BCKDHB: variants seen among roughly 807,000 people sequenced by gnomAD.
The protein encoded by BCKDHB is branched chain keto acid dehydrogenase E1 subunit beta, also known as 2-oxoisovalerate dehydrogenase subunit beta, mitochondrial.
Under a neutral mutation model 48.5 loss-of-function variants are expected in BCKDHB, and 41 were observed. That is an observed-to-expected ratio of 0.85 (90% CI 0.66 to 1.10). The LOEUF (loss-of-function observed/expected upper bound fraction) is 1.10, where lower values mean the gene tolerates loss of function less well. Among genes scored for constraint, BCKDHB ranks in the 50% least tolerant of loss-of-function variants. BCKDHB has a pLI of 0.00. For synonymous variants in BCKDHB, 201 were observed against 174.8 expected (o/e 1.15, Z -1.18); for missense variants, 496 against 494.2 (o/e 1.00, Z -0.03).
chr6:80,109,342 A>T (rs1769297420), intron 1 of BCKDHB, among the ~76,000 whole-genome samples: 2 of 152,196 alleles, frequency 1.3e-5, no homozygotes, highest in South Asian at 4.1e-4. Flanking sequence ...ACCTTTAAAT[A>T]ATTACCATTA....
chr6:80,221,750 C>A (rs1216647497), intron 8 of BCKDHB, among the ~76,000 whole-genome samples: 1 of 152,108 alleles, frequency 6.6e-6, no homozygotes, highest in East Asian at 1.9e-4. Context: ...TTGAAAGTAT[C>A]AACTTCATTG....
chr6:80,321,626 C>T (rs1300526176), intron 9 of BCKDHB, among the ~76,000 whole-genome samples: 1 of 152,144 alleles, frequency 6.6e-6, no homozygotes, highest in East Asian at 1.9e-4. Context: ...TCCACTGAAA[C>T]TTCCAGAGAC....
intron 6 of BCKDHB, among the ~76,000 whole-genome samples, chr6:80,187,074 G>T (rs1191691579): frequency 1.3e-5 from 2 of 152,164 alleles, no homozygotes; most frequent in Non-Finnish European, 2.9e-5. Context: ...AAAGTTTACA[G>T]TGTGAGTCTC....
intron 3 of BCKDHB, among the ~76,000 whole-genome samples, chr6:80,164,261 C>T (rs552577561): frequency 1.3e-5 from 2 of 151,650 alleles, no homozygotes; most frequent in Non-Finnish European, 2.9e-5. Context: ...TTACTCTAGA[C>T]CAGGCAATCT....
intron 6 of BCKDHB, among the ~76,000 whole-genome samples, chr6:80,187,399 G>C (rs150089894): frequency 6.6e-6 from 1 of 151,818 alleles, no homozygotes; most frequent in African/African-American, 2.4e-5. Context: ...TAGAATGTTG[G>C]GGGCATGAGA....
chr6:80,175,729 C>G (rs1773120292), intron 6 of BCKDHB, among the ~76,000 whole-genome samples: 1 of 152,120 alleles, frequency 6.6e-6, no homozygotes, highest in African/African-American at 2.4e-5. Flanking sequence ...AGACAGATCT[C>G]TTTATATTGT....
intron 3 of BCKDHB, among the ~76,000 whole-genome samples, chr6:80,145,339 A>G (rs1226801467): frequency 1.7e-4 from 26 of 152,310 alleles, no homozygotes. Context: ...TTGATGGTGC[A>G]GTAACAACAT....
chr6:80,259,378 A>T (rs1200877636), intron 8 of BCKDHB, among the ~76,000 whole-genome samples: 1 of 152,208 alleles, frequency 6.6e-6, no homozygotes. Context: ...CTTTGGCATC[A>T]TAAAGTAGTA....
At chr6:80,158,377 G>T (rs1582254721) in intron 3 of BCKDHB, among the ~76,000 whole-genome samples, 1 of 152,292 alleles carries the variant, frequency 6.6e-6, no homozygotes, top group Non-Finnish European at 1.5e-5. Context: ...GGTAGAATCT[G>T]TAGGACAAGG....
chr6:80,325,598 T>G (rs1043790889), intron 9 of BCKDHB, among the ~76,000 whole-genome samples: 77 of 152,226 alleles, frequency 5.1e-4, no homozygotes, highest in Non-Finnish European at 1.8e-4. Flanking sequence ...GACACATGTT[T>G]GAGTTAATCC....
intron 2 of BCKDHB, 43 bp downstream of exon 2, chr6:80,127,667 C>T: frequency 6.6e-7 from 1 of 1,514,534 alleles, no homozygotes; most frequent in Non-Finnish European, 9.2e-7. Context: ...TGTGTTAATT[C>T]CAGAATTGAA....
chr6:80,368,390 C>A, the BCKDHB span, among the ~76,000 whole-genome samples: 1 of 152,208 alleles, frequency 6.6e-6, no homozygotes, highest in Non-Finnish European at 1.5e-5. Flanking sequence ...CCTGCAGTTA[C>A]AATTTGTAAG....
At chr6:80,205,977 A>G (rs1774638813) in intron 8 of BCKDHB, among the ~76,000 whole-genome samples, 1 of 151,984 alleles carries the variant, frequency 6.6e-6, no homozygotes, top group South Asian at 2.1e-4. Context: ...ATCCAGGTAT[A>G]TAGAACTCAT....
At chr6:80,301,065 A>G (rs1767553829) in intron 9 of BCKDHB, among the ~76,000 whole-genome samples, 2 of 152,156 alleles carry the variant, frequency 1.3e-5, no homozygotes, top group Non-Finnish European at 2.9e-5. Flanking sequence ...TATAGCCCTA[A>G]AAGGCTTTCA....
At chr6:80,368,019 C>T in the BCKDHB span, among the ~76,000 whole-genome samples, 1 of 152,234 alleles carries the variant, frequency 6.6e-6, no homozygotes, top group Non-Finnish European at 1.5e-5. Context: ...ATAGGCCACA[C>T]ACCCATGTCA....
At chr6:80,371,722 C>A in the BCKDHB span, among the ~76,000 whole-genome samples, 1 of 152,030 alleles carries the variant, frequency 6.6e-6, no homozygotes. Context: ...TATCCCAGCA[C>A]CAATTGTTAA....
At chr6:80,168,767 T>G in intron 4 of BCKDHB, 108 bp from the exon 5 acceptor site, 1 of 787,808 alleles carries the variant, frequency 1.3e-6, no homozygotes, top group Admixed American at 3.1e-5. Context: ...AAAGACTCAT[T>G]GTGCCTTGGG....
the BCKDHB span, among the ~76,000 whole-genome samples, chr6:80,403,719 A>G: frequency 1.4e-4 from 22 of 152,092 alleles, no homozygotes; most frequent in African/African-American, 5.1e-4. Flanking sequence ...TGGATTTCCC[A>G]TACATAAACT....
At chr6:80,332,106 G>A (rs1769340356) in intron 9 of BCKDHB, among the ~76,000 whole-genome samples, 1 of 152,174 alleles carries the variant, frequency 6.6e-6, no homozygotes, top group African/African-American at 2.4e-5. Context: ...ACCTGTGCAA[G>A]GGGATTGATC....
Sources: allele counts gnomAD v4.1 joint callset (sites outside exome capture counted in the v4.1 genomes callset), GRCh38; gene constraint gnomAD v4.1.1; transcripts MANE v1.5; gene names NCBI Gene and HGNC (gene_info 2026-07-23, HGNC 2026-07-21).